WFS1: variants seen among roughly 807,000 people sequenced by gnomAD.
WFS1 encodes wolframin.
In WFS1, 90 loss-of-function variants were observed where a neutral mutation model predicts 68.5. The observed-to-expected ratio is 1.31, with a 90% CI of 1.11 to 1.56. The LOEUF is 1.56. WFS1 is among the 40% of genes most tolerant of loss of function. WFS1 has a pLI of 0.00. For synonymous variants in WFS1, 860 were observed against 540.7 expected (o/e 1.59, Z -8.19); for missense variants, 1,767 against 1,232.6 (o/e 1.43, Z -6.49).
Position 6,301,939 on chromosome 4 carries a change from G to T in WFS1, c.2144G>T (p.Ser715Ile), listed in dbSNP as rs772022154. The T allele has an allele frequency of 1.2e-6, 2 of 1,612,762 alleles. No individual in the cohort carries two copies. The highest frequency in any genetic ancestry group is 4.5e-5 in the East Asian group (2 of 44,890). The change falls in exon 8 of 8, where the codon AGC becomes ATC. Residue 715 changes from serine (S) to isoleucine (I), a missense_variant. Coordinates refer to ENST00000226760, the MANE Select transcript of WFS1 (RefSeq NM_006005.3). ...GTCCGCGTGACTGACATCGACAACA[G>T]CGCCGAGTCTGCCATCAACATGCTC... The part of the protein sequence containing the change: ...KYVRVTDIDN[S>I]AESAINMLPF...
At chr4:6,284,714 C>A (rs1415774734) in intron 2 of WFS1, among the ~76,000 whole-genome samples, 2 of 151,770 alleles carry the variant, frequency 1.3e-5, no homozygotes, top group Non-Finnish European at 2.9e-5. Context: ...TACAAAGCAT[C>A]TCTTTTCATC....
chr4:6,291,363 G>A lies in WFS1; in HGVS notation c.627G>A (p.Glu209=). 1 of 1,612,352 alleles carries A rather than the reference G, an allele frequency of 6.2e-7. No individual in the cohort carries two copies. The highest frequency in any genetic ancestry group is 1.3e-5 in the African/African-American group (1 of 75,044). The change falls in exon 5 of 8, where the codon GAG becomes GAA. Residue 209 remains glutamate (E), a synonymous_variant. Coordinates refer to ENST00000226760, the MANE Select transcript of WFS1 (RefSeq NM_006005.3). Reference sequence around the variant, plus strand: ...TGGAGAATGTCGGCCAGGTCAACGAGCACGGTGCGAGGATTCACCCTGGGC... The same window carrying A: ...TGGAGAATGTCGGCCAGGTCAACGAACACGGTGCGAGGATTCACCCTGGGC... ...ELLENVGQVN[E]HDGGAQPGPV...
At chr4:6,293,462 TC>T (rs1274546474) in intron 6 of WFS1, among the ~76,000 whole-genome samples, 2 of 152,222 alleles carry the variant, frequency 1.3e-5, no homozygotes, top group African/African-American at 4.8e-5. Context: ...TCTCTCGTCC[TC>T]CGTCCTTTGC....
chr4:6,296,425 C>T (rs563701557), intron 7 of WFS1, among the ~76,000 whole-genome samples: 39 of 152,326 alleles, frequency 2.6e-4, no homozygotes, highest in South Asian at 8.3e-4. Flanking sequence ...GGTATGACAC[C>T]GACCGGTCTG....
At chr4:6,295,327 C>G (rs1318772104) in intron 7 of WFS1, 138 bp downstream of exon 7, 3 of 1,023,010 alleles carry the variant, frequency 2.9e-6, no homozygotes. Context: ...GCCGCTGGTA[C>G]CTTTGGGTCA....
At position 6,301,140 on chromosome 4, in the gene WFS1, A is replaced by C; in HGVS notation, c.1345A>C (p.Thr449Pro). Residue 449 changes from threonine to proline, a missense_variant, in exon 8 of 8, where the codon ACC (threonine) becomes CCC (proline). Transcript: ENST00000226760. ...CGTGACCAGCTACCTGAGCCTGAGC[A>C]CCCATGCAGAGCCCTACACGCGCAG... is the stretch of plus-strand genomic sequence containing the variant. ...FTVTSYLSLS[T>P]HAEPYTRRAL... 1 of 1,613,010 alleles carries C rather than the reference A, an allele frequency of 6.2e-7. No homozygotes were observed. The highest frequency in any genetic ancestry group is 8.5e-7 in the Non-Finnish European group (1 of 1,179,940).
At chr4:6,294,395 C>T (rs529478239) in intron 6 of WFS1, among the ~76,000 whole-genome samples, 49 of 152,134 alleles carry the variant, frequency 3.2e-4, no homozygotes, top group Admixed American at 2.2e-3. Flanking sequence ...AGGGGTAAGT[C>T]GGCCCATGGC....
rs151277039 is a variant in WFS1, at chr4:6,291,246, C to T, written c.510C>T (p.Thr170=). The change falls in exon 5 of 8, where the codon ACC becomes ACT. Residue 170 remains threonine, a synonymous_variant. Coordinates refer to ENST00000226760, the MANE Select transcript of WFS1 (RefSeq NM_006005.3). The part of the protein sequence containing the change: ...EREVRQLSSE[T]DLERAVRKAA... ...AGGTGAGGCAGCTCTCCTCCGAGAC[C>T]GACCTGGAGAGGGCCGTGCGCAAGG... The T allele has an allele frequency of 1.7e-5, 28 of 1,613,074 alleles. No homozygotes were observed. The highest frequency in any genetic ancestry group is 2.2e-5 in the East Asian group (1 of 44,870).
In WFS1 at chr4:6,283,076, G is replaced by A. The variant is rs1730211505; in HGVS notation, c.233-4017G>A. On this transcript the variant is annotated intron_variant, in intron 2 of 7. Transcript: ENST00000226760. The surrounding 1 kb of genome is among the most constrained non-coding windows in gnomAD (Gnocchi z 5.0). Reference sequence around the variant, plus strand: ...GATGACCCAGGTTCCAGCAAGATATGGCAGTGGGCTGTGCCGGGAAGGGGC... The same window carrying A: ...GATGACCCAGGTTCCAGCAAGATATAGCAGTGGGCTGTGCCGGGAAGGGGC... Among the ~76,000 whole-genome samples the A allele has an allele frequency of 6.6e-6, 1 of 152,216 alleles. No individual in the cohort carries two copies. Among genetic ancestry groups the A allele is most frequent in the African/African-American group, 2.4e-5 (1 of 41,440 alleles).
chr4:6,287,717 A>T lies in WFS1; in HGVS notation c.315+542A>T, dbSNP rs1163386623. ...GTAGACAAGACACAGAAATACAGTGATTTTGAATTCTGGTGAGGGGAGAAG... is the reference window on the plus strand; with the variant it reads ...GTAGACAAGACACAGAAATACAGTGTTTTTGAATTCTGGTGAGGGGAGAAG... On this transcript the variant is annotated intron_variant, in intron 3 of 7. Coordinates refer to ENST00000226760, the MANE Select transcript of WFS1 (RefSeq NM_006005.3). This position sits in a 1 kb window ranked among gnomAD's most constrained non-coding sequence, Gnocchi z 6.4. 6.6e-6 allele frequency among the ~76,000 whole-genome samples: 1 copy of T among 152,124 alleles called. No homozygotes were observed. Among genetic ancestry groups the T allele is most frequent in the Non-Finnish European group, 1.5e-5 (1 of 68,016 alleles).
At position 6,302,823 on chromosome 4, in the gene WFS1, C is replaced by T. The variant is rs1035724547; in HGVS notation, c.*355C>T. On this transcript the variant is annotated 3_prime_UTR_variant, in exon 8 of 8. Coordinates refer to ENST00000226760, the MANE Select transcript of WFS1 (RefSeq NM_006005.3). ...CCCCCACCTTCAAGCACCCTGTTCC[C>T]TCTTTCTTTCTTTTGTGTTGGATTT... 1.9e-5 allele frequency: 7 copies of T among 375,226 alleles called. No homozygotes were observed. Among genetic ancestry groups the T allele is most frequent in the Non-Finnish European group, 3.4e-5 (7 of 206,328 alleles). The allele number at this position is 375,226 out of a possible 1,614,324, so 23.2% of individuals were successfully genotyped here.
chr4:6,294,679 G>T (rs1404431143), intron 6 of WFS1: 1 of 346,504 alleles, frequency 2.9e-6, no homozygotes, highest in South Asian at 2.4e-5. Context: ...GAAGAGGAGG[G>T]TGTCAGCATG....
chr4:6,299,942 G>A (rs996527121), intron 7 of WFS1, among the ~76,000 whole-genome samples: 3 of 151,422 alleles, frequency 2.0e-5, no homozygotes, highest in African/African-American at 4.9e-5. Flanking sequence ...GAATGCGTGT[G>A]TGTAGGGGTG....
In WFS1 at chr4:6,302,438, CTT is replaced by C. The variant is rs767929590; in HGVS notation, c.2647_2648del (p.Phe883LeufsTer56). On this transcript the variant is annotated frameshift_variant, in exon 8 of 8. Transcript: ENST00000226760. LOFTEE classifies it high-confidence loss of function. ...HGAVKFAFDFFFFPFLSAA is the reference protein window; with the variant it reads ...HGAVKFAFDFXFFPFLSAA ...GCGCCGTGAAGTTCGCCTTCGACTT[CTT>C]TTTCTTCCCATTCCTGTCGGCGGCC... The C allele has an allele frequency of 6.2e-7, 1 of 1,613,156 alleles. No individual in the cohort carries two copies. The highest frequency in any genetic ancestry group is 1.7e-5 in the Admixed American group (1 of 60,030).
chr4:6,296,341 C>T (rs1730639444), intron 7 of WFS1, among the ~76,000 whole-genome samples: 1 of 152,178 alleles, frequency 6.6e-6, no homozygotes, highest in African/African-American at 2.4e-5. Flanking sequence ...CCCCGAGTGC[C>T]CAGAGCTGCG....
Position 6,301,035 on chromosome 4 carries a change from T to G in WFS1, c.1240T>G (p.Phe414Val). 1 of 1,614,144 alleles carries G rather than the reference T, an allele frequency of 6.2e-7. No individual in the cohort carries two copies. The highest frequency in any genetic ancestry group is 1.3e-5 in the African/African-American group (1 of 75,024). The change falls in exon 8 of 8, where the codon TTC becomes GTC. Residue 414 changes from phenylalanine (F) to valine (V), a missense_variant. By Grantham distance (50) the Phe-to-Val change is conservative. Transcript: ENST00000226760. Reference sequence around the variant, plus strand: ...TGCCCATTTCCTGCTCTCTGTCTTCTTCGTCATCTTCTCCTTCCCCATCGC... The same window carrying G: ...TGCCCATTTCCTGCTCTCTGTCTTCGTCGTCATCTTCTCCTTCCCCATCGC... ...PYAHFLLSVF[F>V]VIFSFPIASK...
In WFS1 at chr4:6,283,418, G is replaced by C. The variant is rs1730220303; in HGVS notation, c.233-3675G>C. On this transcript the variant is annotated intron_variant, in intron 2 of 7. Coordinates refer to ENST00000226760, the MANE Select transcript of WFS1 (RefSeq NM_006005.3). The surrounding 1 kb of genome is among the most constrained non-coding windows in gnomAD (Gnocchi z 5.0). ...AAAAGTAGAGGGGCAAGGGATTGAT[G>C]AGTCCATAGATCTGTAGAGCCTAGA... is the stretch of plus-strand genomic sequence containing the variant. 6.6e-6 allele frequency among the ~76,000 whole-genome samples: 1 copy of C among 152,218 alleles called. No homozygotes were observed. Among genetic ancestry groups the C allele is most frequent in the Non-Finnish European group, 1.5e-5 (1 of 68,038 alleles).
chr4:6,294,948 C>T (rs1319474279), intron 6 of WFS1, 93 bp from the exon 7 acceptor site: 36 of 1,599,426 alleles, frequency 2.3e-5, no homozygotes, highest in Admixed American at 1.7e-5. Context: ...CTTAGCTTGG[C>T]CCCACGCCAC....
At chr4:6,299,091 G>T (rs1363331102) in intron 7 of WFS1, among the ~76,000 whole-genome samples, 2 of 152,244 alleles carry the variant, frequency 1.3e-5, no homozygotes, top group Non-Finnish European at 2.9e-5. Flanking sequence ...ACGCCATGCT[G>T]TGTGAGCACT....
Sources: allele counts gnomAD v4.1 joint callset (sites outside exome capture counted in the v4.1 genomes callset), GRCh38; gene constraint gnomAD v4.1.1; non-coding constraint Gnocchi (gnomAD v3.1); transcripts MANE v1.5; gene names NCBI Gene and HGNC (gene_info 2026-07-23, HGNC 2026-07-21).